PPP2R2B: variants seen among roughly 807,000 people sequenced by gnomAD.
PPP2R2B encodes protein phosphatase 2 regulatory subunit Bbeta, also known as serine/threonine-protein phosphatase 2A 55 kDa regulatory subunit B beta isoform.
In PPP2R2B, 5 loss-of-function variants were observed where a neutral mutation model predicts 46.0. The ratio of observed to expected loss-of-function variants is 0.11; its 90% CI spans 0.06 to 0.23. The LOEUF (loss-of-function observed/expected upper bound fraction) is 0.23. PPP2R2B is among the 10% of genes least tolerant of loss of function. The pLI is 1.00. For synonymous variants in PPP2R2B, 215 were observed against 206.7 expected, an observed-to-expected ratio of 1.04 and a Z score of -0.34; for missense variants, 367 against 575.0, an observed-to-expected ratio of 0.64 and a Z score of 3.70.
At chr5:146,997,709 T>C (rs1753985773) in intron 1 of PPP2R2B, among the ~76,000 whole-genome samples, 1 of 152,196 alleles carries the variant, frequency 6.6e-6, no homozygotes, top group South Asian at 2.1e-4. Flanking sequence ...TAATATAATG[T>C]GGTAAAATTT....
At chr5:147,023,311 CA>C (rs938870172) in intron 1 of PPP2R2B, among the ~76,000 whole-genome samples, 7 of 151,338 alleles carry the variant, frequency 4.6e-5, no homozygotes, top group African/African-American at 1.7e-4. Context: ...GATAGTATGC[CA>C]AAAATAATTA....
At chr5:146,649,191 G>A (rs1335179383) in intron 6 of PPP2R2B, among the ~76,000 whole-genome samples, 1 of 152,148 alleles carries the variant, frequency 6.6e-6, no homozygotes, top group Non-Finnish European at 1.5e-5. Context: ...TGGATAGATG[G>A]AGTTAGAGTA....
intron 5 of PPP2R2B, 89 bp from the exon 6 acceptor site, chr5:146,650,813 C>A: frequency 1.6e-6 from 2 of 1,226,374 alleles, no homozygotes; most frequent in Non-Finnish European, 2.2e-6. Context: ...TTATCACACA[C>A]AAAATAATAG....
At chr5:146,638,000 C>G (rs1365252614) in intron 7 of PPP2R2B, among the ~76,000 whole-genome samples, 1 of 152,190 alleles carries the variant, frequency 6.6e-6, no homozygotes, top group Non-Finnish European at 1.5e-5. Context: ...TAATTTGGAT[C>G]ACATCACACT....
intron 1 of PPP2R2B, among the ~76,000 whole-genome samples, chr5:147,038,058 G>T (rs2151895287): frequency 6.6e-6 from 1 of 152,234 alleles, no homozygotes; most frequent in African/African-American, 2.4e-5. Context: ...TGTGTTATGG[G>T]ATACTTTTAG....
chr5:146,872,833 C>A (rs1761692917), intron 2 of PPP2R2B, among the ~76,000 whole-genome samples: 1 of 152,124 alleles, frequency 6.6e-6, no homozygotes, highest in South Asian at 2.1e-4. Flanking sequence ...TACTTTTTTG[C>A]TACAATTTCT....
chr5:146,958,162 G>A lies in PPP2R2B; in HGVS notation c.79+97503C>T, dbSNP rs143876253. Among the ~76,000 whole-genome samples the A allele has an allele frequency of 8.2e-4, 125 of 152,058 alleles. 1 individual carries two copies. The East Asian group carries it at 0.021, about 25-fold the overall frequency. On this transcript the variant is annotated intron_variant, in intron 1 of 8. Transcript: ENST00000336640. ...AGCAGACATTAATCGCAGATCTCCC[G>A]AAGGCCCCACCCTTTCAGATTCCAG...
At chr5:146,879,006 G>A (rs1408367755), upstream of PPP2R2B, 15 of 919,778 alleles carry the variant, frequency 1.6e-5, 1 homozygote, top group Admixed American at 6.2e-4. Context: ...TAAGGGCCAC[G>A]TCTACGCTAG....
chr5:146,870,099 C>T (rs1005040097), intron 2 of PPP2R2B, among the ~76,000 whole-genome samples: 7 of 152,166 alleles, frequency 4.6e-5, no homozygotes, highest in African/African-American at 1.7e-4. Context: ...TCAAGCTGAT[C>T]CTTCTACGTC....
intron 5 of PPP2R2B, among the ~76,000 whole-genome samples, chr5:146,664,281 G>A (rs1038705670): frequency 2.0e-5 from 3 of 152,152 alleles, no homozygotes; most frequent in Admixed American, 6.5e-5. Flanking sequence ...GAGACAATCC[G>A]CTCAAGCACT....
Position 146,878,464 on chromosome 5 carries a change from T to G in PPP2R2B, c.-125+127A>C, listed in dbSNP as rs1251785948. On this transcript the variant is annotated intron_variant, in intron 1 of 9. Coordinates refer to ENST00000394411, the MANE Select transcript of PPP2R2B (RefSeq NM_181675.4). The surrounding 1 kb of genome is among the most constrained non-coding windows in gnomAD (Gnocchi z 4.5). ...GAGATGCCCAACAGGTTCCCCTCCTTGGCAGCCGCTCCAAAATGCAAAAAA... is the reference window on the plus strand; with the variant it reads ...GAGATGCCCAACAGGTTCCCCTCCTGGGCAGCCGCTCCAAAATGCAAAAAA... The G allele has an allele frequency of 7.3e-7, 1 of 1,364,162 alleles. No homozygotes were observed. Among genetic ancestry groups the G allele is most frequent in the Non-Finnish European group, 9.5e-7 (1 of 1,056,406 alleles). The allele number at this position is 1,364,162 out of a possible 1,614,324, so 84.5% of individuals were successfully genotyped here. A position where few individuals can be genotyped will look rare whatever the true frequency, so the allele number is the denominator to read the frequency against.
At chr5:147,041,555 C>A (rs921591761) in intron 1 of PPP2R2B, among the ~76,000 whole-genome samples, 2 of 151,800 alleles carry the variant, frequency 1.3e-5, no homozygotes, top group Non-Finnish European at 2.9e-5. Context: ...TTCAGTGGTG[C>A]CATTTTTTTT....
intron 7 of PPP2R2B, among the ~76,000 whole-genome samples, chr5:146,618,334 T>C (rs547040913): frequency 1.3e-5 from 2 of 152,256 alleles, no homozygotes; most frequent in African/African-American, 4.8e-5. Flanking sequence ...AAAAGGCAGG[T>C]AGCCATTCTC....
chr5:146,841,507 A>G (rs896999758), intron 2 of PPP2R2B, among the ~76,000 whole-genome samples: 1 of 152,178 alleles, frequency 6.6e-6, no homozygotes, highest in Non-Finnish European at 1.5e-5. Context: ...GCAAGACGTA[A>G]TCACAACCCA....
At chr5:146,810,633 T>G (rs374077246) in intron 2 of PPP2R2B, among the ~76,000 whole-genome samples, 1 of 152,176 alleles carries the variant, frequency 6.6e-6, no homozygotes, top group African/African-American at 2.4e-5. Flanking sequence ...TCATGTATGC[T>G]CTTTCCTTCA....
intron 2 of PPP2R2B, among the ~76,000 whole-genome samples, chr5:147,075,615 T>A (rs1167528331): frequency 6.6e-6 from 1 of 152,170 alleles, no homozygotes; most frequent in Non-Finnish European, 1.5e-5. Flanking sequence ...AAGCTCATGA[T>A]TTTTCTCCCC....
intron 7 of PPP2R2B, among the ~76,000 whole-genome samples, chr5:146,605,396 T>C (rs1772167569): frequency 6.6e-6 from 1 of 152,154 alleles, no homozygotes; most frequent in South Asian, 2.1e-4. Context: ...CTTTTCCATT[T>C]CCCTTTCCTA....
At chr5:146,992,046 C>CA (rs1357713651) in intron 1 of PPP2R2B, among the ~76,000 whole-genome samples, 2 of 151,966 alleles carry the variant, frequency 1.3e-5, no homozygotes, top group Non-Finnish European at 2.9e-5. Flanking sequence ...TATGGAACTA[C>CA]AAAAAATCCC....
chr5:147,055,187 GA>G (rs1757020268), intron 1 of PPP2R2B, among the ~76,000 whole-genome samples: 1 of 152,160 alleles, frequency 6.6e-6, no homozygotes, highest in Non-Finnish European at 1.5e-5. Context: ...GACTCCAAGT[GA>G]ACCAATCCAA....
Sources: gnomAD v4.1 joint callset for allele counts (sites outside exome capture counted in the v4.1 genomes callset) on GRCh38, gnomAD v4.1.1 for gene constraint, Gnocchi (gnomAD v3.1) non-coding constraint, MANE v1.5 for transcripts, NCBI Gene and HGNC (gene_info 2026-07-23, HGNC 2026-07-21) for gene names.